Variants in ABTB3 observed in about 807,000 individuals in gnomAD.
The protein encoded by ABTB3 is ankyrin repeat and BTB domain containing 3.
At chr12:107,579,264 A>C in the ABTB3 span, among the ~76,000 whole-genome samples, 1 of 152,230 alleles carries the variant, frequency 6.6e-6, no homozygotes, top group Non-Finnish European at 1.5e-5. Flanking sequence ...TGACCTGATC[A>C]GCTCCCCTGG....
At chr12:107,424,342 C>A in the ABTB3 span, among the ~76,000 whole-genome samples, 1 of 152,174 alleles carries the variant, frequency 6.6e-6, no homozygotes, top group Admixed American at 6.5e-5. Flanking sequence ...ACCCCTCACC[C>A]ACTGCAGGTA....
At chr12:107,319,073 TC>T in the ABTB3 span, 1 of 1,613,068 alleles carries the variant, frequency 6.2e-7, no homozygotes. Flanking sequence ...GCACCCGGCG[TC>T]CCCGTATGGC....
chr12:107,405,682 G>A, the ABTB3 span, among the ~76,000 whole-genome samples: 337 of 152,376 alleles, frequency 2.2e-3, no homozygotes, highest in African/African-American at 7.6e-3. Context: ...AAGAGAAGCC[G>A]GTCCCTGGGG....
the ABTB3 span, among the ~76,000 whole-genome samples, chr12:107,631,088 C>T: frequency 2.6e-5 from 4 of 152,152 alleles, no homozygotes; most frequent in African/African-American, 9.7e-5. Flanking sequence ...CAGCCCTTGC[C>T]TCCTTCCTTC....
At chr12:107,482,972 CTTTCTTTCTTT>C in the ABTB3 span, among the ~76,000 whole-genome samples, 1 of 59,080 alleles carries the variant, frequency 1.7e-5, no homozygotes, top group African/African-American at 6.9e-5. Flanking sequence ...TTCTTTCTTT[CTTTCTTTCTTT>C]CTTTCCTTCC....
At chr12:107,350,933 C>T in the ABTB3 span, among the ~76,000 whole-genome samples, 1 of 152,096 alleles carries the variant, frequency 6.6e-6, no homozygotes, top group African/African-American at 2.4e-5. Context: ...CTTTTAGCCA[C>T]CTCGAGAAAC....
At chr12:107,538,187 G>A in the ABTB3 span, among the ~76,000 whole-genome samples, 1 of 152,190 alleles carries the variant, frequency 6.6e-6, no homozygotes, top group African/African-American at 2.4e-5. Context: ...CTGCCCCCAG[G>A]GCATGAAGAC....
the ABTB3 span, among the ~76,000 whole-genome samples, chr12:107,496,530 A>G: frequency 6.6e-6 from 1 of 152,218 alleles, no homozygotes; most frequent in African/African-American, 2.4e-5. Flanking sequence ...AAGATGACCG[A>G]TAAAACATTG....
the ABTB3 span, among the ~76,000 whole-genome samples, chr12:107,626,466 A>C: frequency 1.5e-3 from 224 of 150,502 alleles, 1 homozygote; most frequent in African/African-American, 5.1e-3. Context: ...CTGCCTCAGC[A>C]TCCAGAGTAG....
At chr12:107,627,095 A>AAAG in the ABTB3 span, among the ~76,000 whole-genome samples, 1 of 152,270 alleles carries the variant, frequency 6.6e-6, no homozygotes, top group African/African-American at 2.4e-5. Flanking sequence ...GGAAAGTCAC[A>AAAG]GTGTGTATTC....
At chr12:107,501,560 T>C in the ABTB3 span, among the ~76,000 whole-genome samples, 1 of 151,780 alleles carries the variant, frequency 6.6e-6, no homozygotes, top group African/African-American at 2.4e-5. Flanking sequence ...ATTAGCCCAG[T>C]GTGGTGACAT....
the ABTB3 span, among the ~76,000 whole-genome samples, chr12:107,461,385 G>C: frequency 3.3e-5 from 5 of 152,254 alleles, no homozygotes; most frequent in African/African-American, 9.6e-5. Flanking sequence ...ATGGAAGAAG[G>C]CCACGTGATG....
chr12:107,465,781 T>G, the ABTB3 span, among the ~76,000 whole-genome samples: 1 of 152,268 alleles, frequency 6.6e-6, no homozygotes, highest in East Asian at 1.9e-4. Context: ...TTTCCAGGCC[T>G]AACATCCCTG....
the ABTB3 span, among the ~76,000 whole-genome samples, chr12:107,341,386 G>A: frequency 1.1e-4 from 16 of 152,240 alleles, no homozygotes; most frequent in East Asian, 1.2e-3. Flanking sequence ...CCCCAACCCC[G>A]TGAGGCTGTC....
At chr12:107,495,694 C>T in the ABTB3 span, among the ~76,000 whole-genome samples, 1 of 152,168 alleles carries the variant, frequency 6.6e-6, no homozygotes, top group Non-Finnish European at 1.5e-5. Flanking sequence ...CTGGTATTGC[C>T]TCTTGGGGTA....
the ABTB3 span, among the ~76,000 whole-genome samples, chr12:107,390,284 G>A: frequency 2.6e-5 from 4 of 152,316 alleles, no homozygotes; most frequent in Non-Finnish European, 4.4e-5. Context: ...CCAATCCTAG[G>A]AGGTAGATAT....
the ABTB3 span, among the ~76,000 whole-genome samples, chr12:107,501,318 T>C: frequency 1.3e-5 from 2 of 151,814 alleles, no homozygotes; most frequent in African/African-American, 4.8e-5. Context: ...TCCCAACCAT[T>C]TGGGGCAGCT....
the ABTB3 span, among the ~76,000 whole-genome samples, chr12:107,368,862 T>C: frequency 6.6e-6 from 1 of 152,390 alleles, no homozygotes; most frequent in East Asian, 1.9e-4. Context: ...CATCTTTTCA[T>C]CTGCCTGTTG....
chr12:107,369,218 T>C, the ABTB3 span, among the ~76,000 whole-genome samples: 5 of 152,288 alleles, frequency 3.3e-5, no homozygotes, highest in Middle Eastern at 3.4e-3. Context: ...CTGTTAGCTT[T>C]GTAACTTTGC....
Sources: gnomAD v4.1 joint callset for allele counts (sites outside exome capture counted in the v4.1 genomes callset) on GRCh38, gnomAD v4.1.1 for gene constraint, MANE v1.5 for transcripts, NCBI Gene and HGNC (gene_info 2026-07-23, HGNC 2026-07-21) for gene names.